ANKRD31: variants seen among roughly 807,000 people sequenced by gnomAD.
The protein encoded by ANKRD31 is ankyrin repeat domain-containing protein 31.
Under a neutral mutation model 186.0 loss-of-function variants are expected in ANKRD31, and 147 were observed. That is an observed-to-expected ratio of 0.79 (90% CI 0.69 to 0.91). The LOEUF (loss-of-function observed/expected upper bound fraction) is 0.91. Ranked by LOEUF, ANKRD31 falls within the 40% of genes least tolerant of loss-of-function variation. The pLI, the probability that ANKRD31 is intolerant of heterozygous loss-of-function variation, is 0.00. For missense variants in ANKRD31, 1,986 were observed against 2,148.8 expected (o/e 0.92, Z 1.50); for synonymous variants, 673 against 736.4 (o/e 0.91, Z 1.39).
chr5:75,217,438 T>G (rs776684053), intron 3 of ANKRD31, among the ~76,000 whole-genome samples: 6 of 152,328 alleles, frequency 3.9e-5, no homozygotes, highest in Admixed American at 3.3e-4. Flanking sequence ...GACAGTTAAG[T>G]CTTCTTGTTG....
intron 17 of ANKRD31, among the ~76,000 whole-genome samples, chr5:75,134,705 T>C (rs1750406296): frequency 6.6e-6 from 1 of 150,448 alleles, no homozygotes; most frequent in Admixed American, 6.6e-5. Context: ...GTTGTGTCTC[T>C]ACACAACAAA....
chr5:75,226,568 G>C (rs1757639361), intron 2 of ANKRD31, among the ~76,000 whole-genome samples: 1 of 151,570 alleles, frequency 6.6e-6, no homozygotes, highest in Non-Finnish European at 1.5e-5. Flanking sequence ...AACTTTATAG[G>C]AAAAAAAATA....
intron 5 of ANKRD31, among the ~76,000 whole-genome samples, chr5:75,202,893 T>C (rs1755907748): frequency 6.6e-6 from 1 of 152,224 alleles, no homozygotes; most frequent in Admixed American, 6.5e-5. Flanking sequence ...ACAGCAGCTT[T>C]AGGGCAGCAA....
intron 24 of ANKRD31, 46 bp from the exon 25 acceptor site, chr5:75,080,685 G>A: frequency 7.7e-7 from 1 of 1,301,948 alleles, no homozygotes; most frequent in South Asian, 1.4e-5. Flanking sequence ...TGAATTAGGG[G>A]ACTGCTCTGG....
At chr5:75,151,101 T>A (rs1281150619) in intron 12 of ANKRD31, among the ~76,000 whole-genome samples, 1 of 152,028 alleles carries the variant, frequency 6.6e-6, no homozygotes, top group Admixed American at 6.6e-5. Flanking sequence ...TCAATAGCAT[T>A]CAGACAACTG....
chr5:75,227,375 G>A (rs1246381280), intron 2 of ANKRD31, among the ~76,000 whole-genome samples: 1 of 152,142 alleles, frequency 6.6e-6, no homozygotes, highest in Non-Finnish European at 1.5e-5. Context: ...ACAACAGAGT[G>A]AGTATAGTCA....
intron 10 of ANKRD31, among the ~76,000 whole-genome samples, chr5:75,174,833 G>A (rs1170564987): frequency 1.3e-5 from 2 of 152,190 alleles, no homozygotes; most frequent in East Asian, 1.9e-4. Flanking sequence ...ATTCCTCAAG[G>A]ATCTAGAACT....
Position 75,172,791 on chromosome 5 carries a change from C to T in ANKRD31, c.1565-3670G>A, listed in dbSNP as rs952870700. Among the ~76,000 whole-genome samples, 9 of 152,090 alleles carry T rather than the reference C, an allele frequency of 5.9e-5. No individual in the cohort carries two copies. The East Asian group carries it at 7.7e-4, about 13-fold the overall frequency. ...GTCCAGGACCAGACAGATTCACAGC[C>T]GAATTCTAACAGAGGTACAAAGAGG... On this transcript the variant is annotated intron_variant, in intron 10 of 25. Transcript: ENST00000506364.
At chr5:75,214,029 T>C (rs775187257) in intron 3 of ANKRD31, among the ~76,000 whole-genome samples, 12 of 152,206 alleles carry the variant, frequency 7.9e-5, no homozygotes, top group Non-Finnish European at 1.8e-4. Flanking sequence ...CTAACAACAT[T>C]TGCTTAAGAT....
At chr5:75,228,647 T>C (rs1245242149) in intron 2 of ANKRD31, among the ~76,000 whole-genome samples, 1 of 152,120 alleles carries the variant, frequency 6.6e-6, no homozygotes, top group Non-Finnish European at 1.5e-5. Context: ...CTGGCAATCA[T>C]TGGGAGTAGA....
chr5:75,131,249 G>C (rs1713158845), intron 17 of ANKRD31, among the ~76,000 whole-genome samples: 1 of 152,188 alleles, frequency 6.6e-6, no homozygotes, highest in Non-Finnish European at 1.5e-5. Flanking sequence ...CAGGCTGAAG[G>C]GCCCCTGGAG....
chr5:75,077,607 A>C (rs1446375888), intron 25 of ANKRD31, among the ~76,000 whole-genome samples: 1 of 152,072 alleles, frequency 6.6e-6, no homozygotes, highest in Non-Finnish European at 1.5e-5. Flanking sequence ...TGGTTGTACA[A>C]AAACGAACCC....
chr5:75,116,488 T>A (rs1019606664), intron 19 of ANKRD31, 78 bp downstream of exon 19: 18 of 691,670 alleles, frequency 2.6e-5, no homozygotes, highest in Admixed American at 4.1e-5. Flanking sequence ...AGTACTGCCA[T>A]TAGCCAATAA....
chr5:75,154,064 G>C, intron 12 of ANKRD31, 137 bp downstream of exon 12: 3 of 837,646 alleles, frequency 3.6e-6, no homozygotes, highest in Admixed American at 7.4e-5. Flanking sequence ...TTTATTAACA[G>C]AATGAAGAAA....
In ANKRD31 at chr5:75,118,129, A is replaced by T; in HGVS notation, c.4039+6T>A. On this transcript the variant is annotated splice_donor_region_variant and intron_variant, in intron 18 of 25. Transcript: ENST00000506364. ...TATAAAATAGCAGCAATATTGATAT[A>T]CATACCATTGACTATAGCATCACTC... is the stretch of plus-strand genomic sequence containing the variant. 1 of 1,436,082 alleles carries T rather than the reference A, an allele frequency of 7.0e-7. No homozygotes were observed. Among genetic ancestry groups the T allele is most frequent in the Non-Finnish European group, 9.1e-7 (1 of 1,104,038 alleles). The allele number at this position is 1,436,082 out of a possible 1,614,324, so 89.0% of individuals were successfully genotyped here.
At chr5:75,121,232 G>T (rs1748757346) in intron 17 of ANKRD31, among the ~76,000 whole-genome samples, 1 of 150,900 alleles carries the variant, frequency 6.6e-6, no homozygotes, top group Non-Finnish European at 1.5e-5. Context: ...ATGATAAAGG[G>T]TGATATCAAT....
rs1489139454 is a variant in ANKRD31 at position 75,104,577 on chromosome 5, A to G, written c.4982T>C (p.Ile1661Thr). 1.3e-6 allele frequency: 2 copies of G among 1,536,160 alleles called. No individual in the cohort carries two copies. Among genetic ancestry groups the G allele is most frequent in the African/African-American group, 1.4e-5 (1 of 72,988 alleles). The change falls in exon 22 of 26, where the codon ATT becomes ACT. Residue 1661 changes from isoleucine to threonine, a missense_variant. Transcript: ENST00000506364. ...LAENAAHPSNIICDQDLSNYD... is the reference protein window; with the variant it reads ...LAENAAHPSNTICDQDLSNYD... ...ATTGGAAAGGTCCTGATCACAAATA[A>G]TATTTGATGGATGGGCAGCATTTTC...
chr5:75,194,510 T>C (rs1034309054), intron 7 of ANKRD31, among the ~76,000 whole-genome samples: 4 of 152,294 alleles, frequency 2.6e-5, no homozygotes, highest in Admixed American at 2.0e-4. Context: ...CCCAGGTATG[T>C]ATGCTGCAAC....
chr5:75,147,913 T>C (rs1751591300), intron 13 of ANKRD31, among the ~76,000 whole-genome samples: 1 of 151,892 alleles, frequency 6.6e-6, no homozygotes, highest in Non-Finnish European at 1.5e-5. Context: ...ATGGGTGCTA[T>C]TCCTTTGAGC....
Sources: gnomAD v4.1 joint callset for allele counts (sites outside exome capture counted in the v4.1 genomes callset) on GRCh38, gnomAD v4.1.1 for gene constraint, MANE v1.5 for transcripts, NCBI Gene and HGNC (gene_info 2026-07-23, HGNC 2026-07-21) for gene names.